TOP3B: variants seen among roughly 807,000 people sequenced by gnomAD.
TOP3B encodes the protein DNA topoisomerase III beta.
In TOP3B, 45 loss-of-function variants were observed where a neutral mutation model predicts 93.9. The observed-to-expected ratio is 0.48, with a 90% confidence interval of 0.38 to 0.61. The LOEUF (loss-of-function observed/expected upper bound fraction) is 0.61. Ranked by LOEUF, TOP3B falls within the 20% of genes least tolerant of loss-of-function variation. The pLI is 0.00. For missense variants in TOP3B, 750 were observed against 1,156.1 expected, an observed-to-expected ratio of 0.65 and a Z score of 5.09; for synonymous variants, 357 against 472.6, an observed-to-expected ratio of 0.76 and a Z score of 3.17.
chr22:21,974,639 T>C, intron 2 of TOP3B, 151 bp from the exon 3 acceptor site: 2 of 851,960 alleles, frequency 2.3e-6, no homozygotes, highest in Non-Finnish European at 3.5e-6. Flanking sequence ...TGCGGGTAGT[T>C]GGGCACTGAG....
At chr22:21,962,192 C>G (rs973088963) in intron 13 of TOP3B, 2 of 1,457,304 alleles carry the variant, frequency 1.4e-6, no homozygotes, top group African/African-American at 2.8e-5. Flanking sequence ...CCACAGTGCA[C>G]GAGGGCACAT....
rs761584844 is a variant in TOP3B at position 21,962,567 on chromosome 22, G to A, written c.1387C>T (p.Leu463=). 1 of 1,613,554 alleles carries A rather than the reference G, an allele frequency of 6.2e-7. No homozygotes were observed. The highest frequency in any genetic ancestry group is 1.1e-5 in the South Asian group (1 of 91,074). ...TGGCAAGTGGGCAGGCTCTCCTCCA[G>A]GGGCACGCTCTGCCAGGGCATGACC... is the stretch of plus-strand genomic sequence containing the variant. The part of the protein sequence containing the change: ...TEVMPWQSVP[L]EESLPTCQRG... Residue 463 remains leucine (L), a synonymous_variant, in exon 13 of 18, where the codon CTG becomes TTG. Coordinates refer to ENST00000357179, the MANE Select transcript of TOP3B (RefSeq NM_001282112.2).
rs142849815 is a variant in TOP3B at position 21,962,452 on chromosome 22, G to T, written c.1502C>A (p.Thr501Lys). The T allele has an allele frequency of 2.5e-6, 4 of 1,613,708 alleles. No individual in the cohort carries two copies. Among genetic ancestry groups the T allele is most frequent in the Non-Finnish European group, 2.5e-6 (3 of 1,180,024 alleles). ...PDYLTEAELITLMEKHGIGTD... is the reference protein window; with the variant it reads ...PDYLTEAELIKLMEKHGIGTD... Reference sequence around the variant, plus strand: ...ACCGATGCCATGCTTCTCCATGAGCGTGATGAGCTCGGCCTCCGTCAGGTA... The same window carrying T: ...ACCGATGCCATGCTTCTCCATGAGCTTGATGAGCTCGGCCTCCGTCAGGTA... Residue 501 changes from threonine (T) to lysine (K), a missense_variant, in exon 13 of 18, where the codon ACG becomes AAG. Thr to Lys is a moderately conservative substitution (Grantham distance 78). Coordinates refer to ENST00000357179, the MANE Select transcript of TOP3B (RefSeq NM_001282112.2).
Position 21,970,514 on chromosome 22 carries a change from C to T in TOP3B, c.385-108G>A, listed in dbSNP as rs2145862569. The T allele has an allele frequency of 8.4e-7, 1 of 1,186,160 alleles. No homozygotes were observed. The highest frequency in any genetic ancestry group is 2.6e-5 in the East Asian group (1 of 39,168). 73.5% of individuals were successfully genotyped at this position (1,186,160 alleles called of 1,614,324 possible). On this transcript the variant is annotated intron_variant, in intron 5 of 17. Coordinates refer to ENST00000357179, the MANE Select transcript of TOP3B (RefSeq NM_001282112.2). This position sits in a 1 kb window ranked among gnomAD's most constrained non-coding sequence, Gnocchi z 4.4. ...TCCAGGAAAGAACACGTGTGCTCGG[C>T]TCCCTCTCCTGCCCCTGCCAGACCC...
intron 14 of TOP3B, 137 bp from the exon 15 acceptor site, chr22:21,959,873 TC>T: frequency 8.4e-7 from 1 of 1,187,058 alleles, no homozygotes; most frequent in Non-Finnish European, 1.2e-6. Flanking sequence ...TACCCACCAG[TC>T]CACAGCCTCA....
At chr22:21,960,044 C>T in intron 14 of TOP3B, 1 of 619,360 alleles carries the variant, frequency 1.6e-6, no homozygotes, top group Non-Finnish European at 2.8e-6. Context: ...CTCCCCTTGG[C>T]CCCTGGGGAA....
chr22:21,972,495 T>C (rs1029197766), intron 4 of TOP3B, 117 bp downstream of exon 4: 1 of 759,694 alleles, frequency 1.3e-6, no homozygotes, highest in East Asian at 2.9e-5. Context: ...CAGAAAAAGC[T>C]AGCAAAGGCC....
Position 21,963,890 on chromosome 22 carries a change from G to A in TOP3B, c.1204+33C>T. The A allele has an allele frequency of 6.2e-7, 1 of 1,607,626 alleles. No individual in the cohort carries two copies. Among genetic ancestry groups the A allele is most frequent in the South Asian group, 1.1e-5 (1 of 90,892 alleles). On this transcript the variant is annotated intron_variant, in intron 11 of 17. Transcript: ENST00000357179. The surrounding 1 kb of genome is among the most constrained non-coding windows in gnomAD (Gnocchi z 4.8). ...TGTCGCAGCTCGCCCTTCCCTCCCT[G>A]GAAGCACACCGGGTATGGGATGAGA...
intron 1 of TOP3B, chr22:21,977,103 C>T (rs951389088): frequency 6.6e-6 from 1 of 151,840 alleles, no homozygotes; most frequent in Non-Finnish European, 1.5e-5. Flanking sequence ...TTGCTTGAGG[C>T]CAGGAATTCA....
chr22:21,974,699 G>A (rs966093382), intron 2 of TOP3B: 3 of 455,866 alleles, frequency 6.6e-6, no homozygotes, highest in Non-Finnish European at 1.2e-5. Flanking sequence ...ACCTAGCACA[G>A]AGCACTCTCG....
Position 21,970,452 on chromosome 22 carries a change from G to A in TOP3B, c.385-46C>T, listed in dbSNP as rs977000203. ...GCTGTGACCCACCTCCCAGATCCCT[G>A]CCACAGCTCCCCACCCCACTGTGAA... On this transcript the variant is annotated intron_variant, in intron 5 of 17. Transcript: ENST00000357179. The surrounding 1 kb of genome is among the most constrained non-coding windows in gnomAD (Gnocchi z 4.4). The A allele has an allele frequency of 8.8e-6, 14 of 1,588,590 alleles. No homozygotes were observed. In the African/African-American group the frequency reaches 1.9e-4, roughly 21 times the overall value.
chr22:21,964,473 G>C (rs1033185729), intron 9 of TOP3B, 158 bp from the exon 10 acceptor site: 20 of 788,580 alleles, frequency 2.5e-5, no homozygotes, highest in African/African-American at 2.4e-4. Flanking sequence ...CTGCTGGCCG[G>C]GTGGGCACCT....
chr22:21,978,688 G>T (rs989211670), intron 1 of TOP3B, among the ~76,000 whole-genome samples: 2 of 152,106 alleles, frequency 1.3e-5, no homozygotes, highest in African/African-American at 4.8e-5. Context: ...GACAGGCCAG[G>T]CGAGATGGCA....
chr22:21,971,890 T>C lies in TOP3B; in HGVS notation c.371A>G (p.Asn124Ser). Residue 124 changes from asparagine (N) to serine (S), a missense_variant, in exon 5 of 18, where the codon AAC (asparagine) becomes AGC (serine). By Grantham distance (46) the Asn-to-Ser change is conservative. Coordinates refer to ENST00000357179, the MANE Select transcript of TOP3B (RefSeq NM_001282112.2). This position sits in a 1 kb window ranked among gnomAD's most constrained non-coding sequence, Gnocchi z 4.6. ...LWLDCDKEGE[N>S]ICFEVLDAVL... ...CCTCACACTCACCTCAAAGCAGATG[T>C]TCTCCCCCTCCTTGTCGCAGTCCAG... The C allele has an allele frequency of 6.2e-7, 1 of 1,614,066 alleles. No individual in the cohort carries two copies. Among genetic ancestry groups the C allele is most frequent in the Non-Finnish European group, 8.5e-7 (1 of 1,179,998 alleles).
chr22:21,979,500 C>T (rs1188413169), intron 1 of TOP3B, among the ~76,000 whole-genome samples: 1 of 152,064 alleles, frequency 6.6e-6, no homozygotes, highest in African/African-American at 2.4e-5. Context: ...GGAGGTAGGA[C>T]AGGGCAGCGC....
chr22:21,962,153 T>C (rs939121772), intron 13 of TOP3B: 2 of 1,383,392 alleles, frequency 1.4e-6, no homozygotes, highest in Non-Finnish European at 1.9e-6. Context: ...ATCTTCAGCC[T>C]TGTGGGCGTT....
intron 8 of TOP3B, chr22:21,966,939 C>T (rs570545208): frequency 6.5e-6 from 1 of 152,676 alleles, no homozygotes; most frequent in Non-Finnish European, 1.5e-5. Context: ...TGGCGGGCAA[C>T]AGGGCACTCA....
intron 9 of TOP3B, chr22:21,965,072 G>A: frequency 2.5e-6 from 1 of 401,952 alleles, no homozygotes. Flanking sequence ...CCCCTCACCA[G>A]GGATAGCTGC....
intron 1 of TOP3B, among the ~76,000 whole-genome samples, chr22:21,978,662 C>T (rs1290791543): frequency 1.3e-5 from 2 of 152,098 alleles, no homozygotes; most frequent in Non-Finnish European, 2.9e-5. Flanking sequence ...GCAGTTATCA[C>T]CATGTGGGGG....
Sources: allele counts gnomAD v4.1 joint callset (sites outside exome capture counted in the v4.1 genomes callset), GRCh38; gene constraint gnomAD v4.1.1; non-coding constraint Gnocchi (gnomAD v3.1); transcripts MANE v1.5; gene names NCBI Gene and HGNC (gene_info 2026-07-23, HGNC 2026-07-21).